The following EBF4 variants were observed in gnomAD, a reference collection of about 807,000 sequenced individuals.
EBF4 encodes transcription factor COE4.
Under a neutral mutation model 67.1 loss-of-function variants are expected in EBF4, and 34 were observed. The ratio of observed to expected loss-of-function variants is 0.51; its 90% confidence interval spans 0.39 to 0.67. The LOEUF is 0.67. Among genes scored for constraint, EBF4 ranks in the 30% least tolerant of loss-of-function variants. The probability of loss-of-function intolerance (pLI) is 0.00; values close to 1 mark genes in which losing one functional copy is unlikely to be tolerated. For missense variants in EBF4, 837 were observed against 873.3 expected (o/e 0.96, Z 0.52); for synonymous variants, 387 against 377.7 (o/e 1.02, Z -0.29).
At chr20:2,708,798 G>A (rs6037382) in intron 5 of EBF4, among the ~76,000 whole-genome samples, 8 of 152,296 alleles carry the variant, frequency 5.3e-5, no homozygotes, top group African/African-American at 1.9e-4. Flanking sequence ...CTTGGAAAAG[G>A]GAGTGACAAG....
chr20:2,749,802 C>A (rs1245747622), intron 9 of EBF4, 45 bp from the exon 10 acceptor site: 1 of 1,541,526 alleles, frequency 6.5e-7, no homozygotes, highest in African/African-American at 1.4e-5. Flanking sequence ...CTGGGCCCTC[C>A]CCTCGCCGGT....
At chr20:2,716,776 A>G (rs1023387682) in intron 6 of EBF4, among the ~76,000 whole-genome samples, 1 of 152,108 alleles carries the variant, frequency 6.6e-6, no homozygotes, top group Non-Finnish European at 1.5e-5. Flanking sequence ...GTCCTATATC[A>G]AGTTTTCTGC....
In EBF4 at chr20:2,754,967, A is replaced by ACCCCCCCCCCCCCCCC. The variant is rs751398659; in HGVS notation, c.1541-658_1541-657insCCCCCCCCCCCCCCCC. On this transcript the variant is annotated intron_variant, in intron 14 of 16. Transcript: ENST00000609451. ...CAGCTGGAAGTGGGAGATTCAGGAG[A>ACCCCCCCCCCCCCCCC]CCACCCCCCCCCACAGGGCCCAGGC... 1.3e-4 allele frequency: 9 copies of ACCCCCCCCCCCCCCCC among 67,520 alleles called. 3 individuals are homozygous for ACCCCCCCCCCCCCCCC. The highest frequency in any genetic ancestry group is 2.7e-4 in the Non-Finnish European group (8 of 30,084). 4.2% of individuals were successfully genotyped at this position (67,520 alleles called of 1,614,324 possible).
At chr20:2,750,110 C>T in intron 10 of EBF4, 137 bp downstream of exon 10, 1 of 1,271,268 alleles carries the variant, frequency 7.9e-7, no homozygotes, top group South Asian at 1.6e-5. Context: ...CCCCGGGCCC[C>T]TTTAACCACC....
intron 1 of EBF4, among the ~76,000 whole-genome samples, chr20:2,699,679 C>T (rs2087347141): frequency 6.6e-6 from 1 of 152,220 alleles, no homozygotes; most frequent in African/African-American, 2.4e-5. Flanking sequence ...TTTTGTCACT[C>T]AGCTGCATTT....
chr20:2,750,994 G>A (rs1463114017), intron 10 of EBF4, among the ~76,000 whole-genome samples: 2 of 152,198 alleles, frequency 1.3e-5, no homozygotes, highest in Admixed American at 1.3e-4. Context: ...GTCGGGGCCA[G>A]GCTATCTGAA....
intron 1 of EBF4, among the ~76,000 whole-genome samples, chr20:2,702,056 G>C (rs894841762): frequency 1.3e-4 from 20 of 152,226 alleles, no homozygotes; most frequent in Non-Finnish European, 2.9e-4. Flanking sequence ...TGAGGGCAAG[G>C]GGGTGGAGGG....
At chr20:2,710,826 C>G (rs1478019411) in intron 6 of EBF4, among the ~76,000 whole-genome samples, 1 of 151,930 alleles carries the variant, frequency 6.6e-6, no homozygotes, top group African/African-American at 2.4e-5. Context: ...CTTTTTGTAC[C>G]CTTTCCTTTT....
At chr20:2,705,944 C>A (rs1343905715) in intron 2 of EBF4, 30 bp from the exon 3 acceptor site, 1 of 1,547,836 alleles carries the variant, frequency 6.5e-7, no homozygotes, top group Non-Finnish European at 8.7e-7. Context: ...TCCCTGAGCA[C>A]CCGAGCATCC....
At chr20:2,757,932 G>T (rs2088270325) in intron 15 of EBF4, among the ~76,000 whole-genome samples, 1 of 152,222 alleles carries the variant, frequency 6.6e-6, no homozygotes, top group South Asian at 2.1e-4. Flanking sequence ...GTCTAGCCTG[G>T]ACAAGAGAGC....
intron 1 of EBF4, among the ~76,000 whole-genome samples, chr20:2,697,242 T>C (rs79329751): frequency 0.013 from 1,971 of 152,250 alleles, 40 homozygotes; most frequent in African/African-American, 0.043. Flanking sequence ...AGGAAAGTTC[T>C]GAGCAAAAGA....
At chr20:2,733,906 G>A (rs185192435) in intron 6 of EBF4, among the ~76,000 whole-genome samples, 18 of 151,726 alleles carry the variant, frequency 1.2e-4, no homozygotes, top group African/African-American at 1.9e-4. Flanking sequence ...CATGTGCCCC[G>A]TGGGTCGCAG....
At position 2,693,703 on chromosome 20, in the gene EBF4, C is replaced by T; in HGVS notation, c.58C>T (p.Leu20=). The T allele has an allele frequency of 7.0e-7, 1 of 1,425,628 alleles. No homozygotes were observed. The highest frequency in any genetic ancestry group is 3.0e-5 in the East Asian group (1 of 32,944). 88.3% of individuals were successfully genotyped at this position (1,425,628 alleles called of 1,614,324 possible). A position where few individuals can be genotyped will look rare whatever the true frequency, so the allele number is the denominator to read the frequency against. The stretch of plus-strand genomic sequence containing the variant: ...CGGGCTGAACCTGAAGGAGGAGCCG[C>T]TGCTGCCCGCCGGCCTGGGCTCAGT... Residue 20 remains leucine (L), a synonymous_variant, in exon 1 of 17, where the codon CTG becomes TTG. Transcript: ENST00000609451. The surrounding 1 kb of genome is among the most constrained non-coding windows in gnomAD (Gnocchi z 4.6).
intron 6 of EBF4, among the ~76,000 whole-genome samples, chr20:2,717,688 A>G (rs1156470854): frequency 6.6e-6 from 1 of 152,114 alleles, no homozygotes; most frequent in Non-Finnish European, 1.5e-5. Context: ...CAGCCATCTT[A>G]TACAAACAAA....
intron 6 of EBF4, among the ~76,000 whole-genome samples, chr20:2,743,724 A>T (rs1415072121): frequency 6.6e-6 from 1 of 152,226 alleles, no homozygotes; most frequent in Non-Finnish European, 1.5e-5. Context: ...TATCATCTTT[A>T]GGGCTAATTT....
At position 2,755,527 on chromosome 20, in the gene EBF4, T is replaced by C. The variant is rs1222790270; in HGVS notation, c.1541-100T>C. The C allele has an allele frequency of 1.5e-6, 1 of 674,724 alleles. No homozygotes were observed. Among genetic ancestry groups the C allele is most frequent in the Non-Finnish European group, 2.7e-6 (1 of 376,648 alleles). The allele number at this position is 674,724 out of a possible 1,614,324, so 41.8% of individuals were successfully genotyped here. A position where few individuals can be genotyped will look rare whatever the true frequency, so the allele number is the denominator to read the frequency against. On this transcript the variant is annotated intron_variant, in intron 14 of 16. Coordinates refer to ENST00000609451, the Ensembl canonical transcript of EBF4. This position sits in a 1 kb window ranked among gnomAD's most constrained non-coding sequence, Gnocchi z 4.7. Reference sequence around the variant, plus strand: ...GCCTGGTACCTGTGTCAGCAGCCCATGTGGGGCCCCAGCCAAGCTGCTCAC... The same window carrying C: ...GCCTGGTACCTGTGTCAGCAGCCCACGTGGGGCCCCAGCCAAGCTGCTCAC...
In EBF4 at chr20:2,751,653, G is replaced by T. The variant is rs372108931; in HGVS notation, c.1019-47G>T. 6 of 1,536,410 alleles carry T rather than the reference G, an allele frequency of 3.9e-6. No homozygotes were observed. Among genetic ancestry groups the T allele is most frequent in the Middle Eastern group, 1.7e-4 (1 of 5,722 alleles). On this transcript the variant is annotated intron_variant, in intron 10 of 16. Transcript: ENST00000609451. The surrounding 1 kb of genome is among the most constrained non-coding windows in gnomAD (Gnocchi z 5.2). Reference sequence around the variant, plus strand: ...GCGCCCTGCGTCTCACCCTGGGAGTGGGGGGCTGCGGGGGAGACGTCCTCC... The same window carrying T: ...GCGCCCTGCGTCTCACCCTGGGAGTTGGGGGCTGCGGGGGAGACGTCCTCC...
intron 6 of EBF4, among the ~76,000 whole-genome samples, chr20:2,711,836 C>A (rs189840386): frequency 6.6e-6 from 1 of 152,194 alleles, no homozygotes; most frequent in African/African-American, 2.4e-5. Flanking sequence ...TGAGGAAGAT[C>A]TGGGAGTGCC....
upstream of EBF4, chr20:2,693,429 C>G (rs529212703): frequency 1.8e-5 from 8 of 440,882 alleles, no homozygotes; most frequent in South Asian, 8.6e-4. This position sits in a 1 kb window ranked among gnomAD's most constrained non-coding sequence, Gnocchi z 4.6. Context: ...TCCATCTCCC[C>G]GCCCAGCGCC....
Sources: gnomAD v4.1 joint callset for allele counts (sites outside exome capture counted in the v4.1 genomes callset) on GRCh38, gnomAD v4.1.1 for gene constraint, Gnocchi (gnomAD v3.1) non-coding constraint, MANE v1.5 for transcripts, NCBI Gene and HGNC (gene_info 2026-07-23, HGNC 2026-07-21) for gene names.